Variants in CDK5RAP2 observed in about 807,000 individuals in gnomAD.
The protein encoded by CDK5RAP2 is CDK5 regulatory subunit-associated protein 2.
A neutral mutation model predicts 232.9 loss-of-function variants in CDK5RAP2; 147 were observed. The observed-to-expected ratio is 0.63, with a 90% CI of 0.55 to 0.72. CDK5RAP2 has a LOEUF of 0.72. Among genes scored for constraint, CDK5RAP2 ranks in the 30% least tolerant of loss-of-function variants. The probability of loss-of-function intolerance (pLI) is 0.00; values close to 1 mark genes in which losing one functional copy is unlikely to be tolerated. For synonymous variants in CDK5RAP2, 833 were observed against 833.7 expected (o/e 1.00, Z 0.01); for missense variants, 2,195 against 2,231.5 (o/e 0.98, Z 0.33).
intron 12 of CDK5RAP2, among the ~76,000 whole-genome samples, chr9:120,518,049 C>G (rs1461340321): frequency 2.0e-5 from 3 of 151,966 alleles, no homozygotes; most frequent in Non-Finnish European, 4.4e-5. Context: ...AAATATTATG[C>G]TGGCACAAAA....
At position 120,531,854 on chromosome 9, in the gene CDK5RAP2, C is replaced by T. The variant is rs1465573988; in HGVS notation, c.663-1714G>A. ...GGTGCCAGGCAGCACCAGTGCAATG[C>T]CCCAGAAAACCTGGAAAGAGGTGTA... On this transcript the variant is annotated intron_variant, in intron 7 of 37. Transcript: ENST00000349780. Among the ~76,000 whole-genome samples the T allele has an allele frequency of 4.6e-5, 7 of 152,260 alleles. No homozygotes were observed. In the East Asian group the frequency reaches 1.4e-3, roughly 29 times the overall value.
chr9:120,409,157 T>A lies in CDK5RAP2; in HGVS notation c.4574A>T (p.Glu1525Val). The change falls in exon 30 of 38, where the codon GAG becomes GTG. Residue 1525 changes from glutamate to valine, a missense_variant. Transcript: ENST00000349780. ...KERHNQQLIQ[E>V]VRCSGQELSR... ...CAGCTCCTGGCCGCTGCAGCGGACCTCCTGGATCAGCTGCTGGTTGTGTCT... is the reference window on the plus strand; with the variant it reads ...CAGCTCCTGGCCGCTGCAGCGGACCACCTGGATCAGCTGCTGGTTGTGTCT... 2.5e-6 allele frequency: 4 copies of A among 1,612,840 alleles called. No individual in the cohort carries two copies. Among genetic ancestry groups the A allele is most frequent in the Non-Finnish European group, 3.4e-6 (4 of 1,180,008 alleles).
intron 22 of CDK5RAP2, among the ~76,000 whole-genome samples, chr9:120,445,557 T>A (rs1340586778): frequency 1.3e-5 from 2 of 152,184 alleles, no homozygotes; most frequent in Non-Finnish European, 2.9e-5. Flanking sequence ...AGTACACCAA[T>A]GACTTCCACA....
Position 120,439,579 on chromosome 9 carries a change from T to C in CDK5RAP2, c.3542A>G (p.Lys1181Arg). ...CAGCGGACCGAGGATTTTCACGTGT[T>C]TCACGTATCGCACTTGGTGCAAACT... ...FSSLHQVRYV[K>R]HVKILGPLAP... The change falls in exon 24 of 38, where the codon AAA becomes AGA. Residue 1181 changes from lysine (K) to arginine (R), a missense_variant. By Grantham distance (26) the Lys-to-Arg change is conservative. Transcript: ENST00000349780. 1 of 1,614,190 alleles carries C rather than the reference T, an allele frequency of 6.2e-7. No homozygotes were observed. The highest frequency in any genetic ancestry group is 8.5e-7 in the Non-Finnish European group (1 of 1,180,020).
At chr9:120,466,182 T>G (rs1009351840) in intron 18 of CDK5RAP2, among the ~76,000 whole-genome samples, 4 of 152,220 alleles carry the variant, frequency 2.6e-5, no homozygotes, top group Non-Finnish European at 5.9e-5. Flanking sequence ...TTGCAAGTCA[T>G]GCTGCTTGGG....
chr9:120,442,311 C>A (rs537327181), intron 23 of CDK5RAP2, among the ~76,000 whole-genome samples: 1 of 152,250 alleles, frequency 6.6e-6, no homozygotes, highest in African/African-American at 2.4e-5. Context: ...TCTCCTGTAC[C>A]GCGGTGCATG....
intron 12 of CDK5RAP2, among the ~76,000 whole-genome samples, chr9:120,494,877 G>A (rs2039092287): frequency 7.0e-6 from 1 of 142,758 alleles, no homozygotes; most frequent in Non-Finnish European, 1.5e-5. Flanking sequence ...TGCGGCCCGG[G>A]GCAGTGCGGA....
At position 120,468,750 on chromosome 9, in the gene CDK5RAP2, T is replaced by G. The variant is rs73660255; in HGVS notation, c.1969-753A>C. 1.8e-3 allele frequency among the ~76,000 whole-genome samples: 274 copies of G among 152,224 alleles called. 1 individual carries two copies. Among genetic ancestry groups the G allele is most frequent in the African/African-American group, 6.3e-3 (263 of 41,532 alleles). On this transcript the variant is annotated intron_variant, in intron 17 of 37. Coordinates refer to ENST00000349780, the MANE Select transcript of CDK5RAP2 (RefSeq NM_018249.6). ...AGCAGCTGCCTCTACACAGGCAGAG[T>G]TGGGCCTGGGTCTTGCGAGGCCACA...
At chr9:120,531,611 T>A (rs1031798090) in intron 7 of CDK5RAP2, among the ~76,000 whole-genome samples, 1 of 151,528 alleles carries the variant, frequency 6.6e-6, no homozygotes, top group Non-Finnish European at 1.5e-5. Context: ...TTGTTATAAT[T>A]ATTACTTTTT....
At position 120,400,889 on chromosome 9, in the gene CDK5RAP2, C is replaced by T; in HGVS notation, c.5308-4G>A. ...TCAGTGGTGCTGGGTGTGGACCCTA[C>T]ACGGGGGATATGAAGGCTGTTACGT... On this transcript the variant is annotated splice_polypyrimidine_tract_variant and splice_region_variant and intron_variant, in intron 34 of 37. Transcript: ENST00000349780. The T allele has an allele frequency of 1.2e-6, 2 of 1,614,130 alleles. No individual in the cohort carries two copies. The highest frequency in any genetic ancestry group is 1.7e-6 in the Non-Finnish European group (2 of 1,180,030).
intron 12 of CDK5RAP2, among the ~76,000 whole-genome samples, chr9:120,516,923 T>C (rs1222096782): frequency 6.6e-6 from 1 of 152,200 alleles, no homozygotes. Context: ...GAAAATATCC[T>C]TATGTCAAAA....
chr9:120,577,462 G>T (rs112923809), intron 1 of CDK5RAP2, among the ~76,000 whole-genome samples: 213 of 152,250 alleles, frequency 1.4e-3, no homozygotes, highest in Non-Finnish European at 2.8e-3. Context: ...CAGGGACACA[G>T]TTTCTGTTTT....
intron 34 of CDK5RAP2, among the ~76,000 whole-genome samples, chr9:120,401,997 T>G (rs2033062297): frequency 6.7e-6 from 1 of 150,374 alleles, no homozygotes; most frequent in Non-Finnish European, 1.5e-5. Flanking sequence ...AAAAAAAAAT[T>G]TTATATATAT....
At chr9:120,424,726 G>A (rs538043617) in intron 25 of CDK5RAP2, among the ~76,000 whole-genome samples, 2 of 143,500 alleles carry the variant, frequency 1.4e-5, no homozygotes, top group African/African-American at 2.6e-5. Context: ...TTTTAATGGA[G>A]TCTTGCTCTG....
chr9:120,518,625 A>C lies in CDK5RAP2; in HGVS notation c.1113T>G (p.Thr371=). Residue 371 remains threonine (T), a synonymous_variant, in exon 12 of 38, where the codon ACT becomes ACG. Transcript: ENST00000349780. ...AAAGGGCTTCCTTTCCTGATAGAGC[A>C]GTCTCATAGTCTTCAGACCCCTAGA... The part of the protein sequence containing the change: ...QEFQGSEDYE[T]ALSGKEALSA... 1 of 1,613,836 alleles carries C rather than the reference A, an allele frequency of 6.2e-7. No individual in the cohort carries two copies. Among genetic ancestry groups the C allele is most frequent in the Non-Finnish European group, 8.5e-7 (1 of 1,179,944 alleles).
chr9:120,501,537 A>T (rs1347244822), intron 12 of CDK5RAP2, among the ~76,000 whole-genome samples: 1 of 152,228 alleles, frequency 6.6e-6, no homozygotes, highest in Non-Finnish European at 1.5e-5. Context: ...GTGGCAGATT[A>T]AACATAGCCA....
chr9:120,569,586 C>T (rs1163727469), intron 2 of CDK5RAP2, among the ~76,000 whole-genome samples: 1 of 152,130 alleles, frequency 6.6e-6, no homozygotes, highest in Non-Finnish European at 1.5e-5. Flanking sequence ...GTCTGGGGAA[C>T]AGTCAAGAGG....
At chr9:120,514,049 T>C (rs1194989489) in intron 12 of CDK5RAP2, among the ~76,000 whole-genome samples, 1 of 152,186 alleles carries the variant, frequency 6.6e-6, no homozygotes, top group East Asian at 1.9e-4. Context: ...AACAGTCATG[T>C]GAGATGGACA....
chr9:120,512,675 A>G (rs992859818), intron 12 of CDK5RAP2, among the ~76,000 whole-genome samples: 3 of 152,240 alleles, frequency 2.0e-5, no homozygotes, highest in Non-Finnish European at 2.9e-5. Context: ...GTAGTATCTT[A>G]GCAAAGTCCT....
Sources: allele counts gnomAD v4.1 joint callset (sites outside exome capture counted in the v4.1 genomes callset), GRCh38; gene constraint gnomAD v4.1.1; transcripts MANE v1.5; gene names NCBI Gene and HGNC (gene_info 2026-07-23, HGNC 2026-07-21).